FOXK1: variants seen among roughly 807,000 people sequenced by gnomAD.
FOXK1 encodes forkhead box K1, also known as forkhead box protein K1.
A neutral mutation model predicts 51.9 loss-of-function variants in FOXK1; 19 were observed. That is an observed-to-expected ratio of 0.37 (90% CI 0.26 to 0.54). FOXK1 has a LOEUF of 0.54. FOXK1 is among the 20% of genes least tolerant of loss of function. The pLI, the probability that FOXK1 is intolerant of heterozygous loss-of-function variation, is 0.87. For missense variants in FOXK1, 870 were observed against 1,032.7 expected (o/e 0.84, Z 2.16); for synonymous variants, 537 against 482.6 (o/e 1.11, Z -1.48).
chr7:4,682,584 C>T lies in FOXK1; in HGVS notation c.276C>T (p.Ala92=), dbSNP rs1248075586. Residue 92 remains alanine (A), a synonymous_variant, in exon 1 of 9, where the codon GCC becomes GCT. Coordinates refer to ENST00000328914, the MANE Select transcript of FOXK1 (RefSeq NM_001037165.2). This position sits in a 1 kb window ranked among gnomAD's most constrained non-coding sequence, Gnocchi z 7.6. The part of the protein sequence containing the change: ...AVAGAAPALV[A]AAAASVRQSP... ...CGGGCGCGGCGCCGGCCCTGGTGGCCGCGGCGGCCGCCTCGGTACGGCAGA... is the reference window on the plus strand; with the variant it reads ...CGGGCGCGGCGCCGGCCCTGGTGGCTGCGGCGGCCGCCTCGGTACGGCAGA... The T allele has an allele frequency of 5.6e-6, 7 of 1,249,586 alleles. No homozygotes were observed. The Admixed American group carries it at 3.0e-4, about 53-fold the overall frequency. The allele number at this position is 1,249,586 out of a possible 1,614,324, so 77.4% of individuals were successfully genotyped here. A position where few individuals can be genotyped will look rare whatever the true frequency, so the allele number is the denominator to read the frequency against.
chr7:4,741,869 C>A lies in FOXK1; in HGVS notation c.746+846C>A, dbSNP rs1482489272. On this transcript the variant is annotated intron_variant, in intron 2 of 8. Transcript: ENST00000328914. ...CCGGTGAGCCCTAGACTGAGTCACA[C>A]ACGAACCTCAGGCGACAGCCTGGAT... 5.3e-5 allele frequency among the ~76,000 whole-genome samples: 8 copies of A among 152,320 alleles called. 1 individual carries two copies. The highest frequency in any genetic ancestry group is 1.0e-4 in the Non-Finnish European group (7 of 68,020).
intron 1 of FOXK1, among the ~76,000 whole-genome samples, chr7:4,685,440 T>C (rs1361002642): frequency 6.6e-6 from 1 of 151,754 alleles, no homozygotes; most frequent in East Asian, 1.9e-4. Flanking sequence ...GGTCTCGATC[T>C]CCTGACCTCG....
At chr7:4,759,768 T>C in intron 7 of FOXK1, 173 bp downstream of exon 7, 2 of 829,536 alleles carry the variant, frequency 2.4e-6, no homozygotes, top group Admixed American at 3.0e-5. Context: ...AGGTGGCTCA[T>C]GCTTATAATC....
intron 1 of FOXK1, among the ~76,000 whole-genome samples, chr7:4,732,888 T>C (rs1780499897): frequency 6.6e-6 from 1 of 152,152 alleles, no homozygotes. Context: ...GTTTATCTTC[T>C]TACTCGTCCA....
Position 4,766,824 on chromosome 7 carries a change from C to T in FOXK1, c.*4360C>T, listed in dbSNP as rs943179121. ...AAGAGGGCCCTCCCTGGAGCACCCC[C>T]GGGGAGCTGGGACTCTCCAGAAAGC... is the stretch of plus-strand genomic sequence containing the variant. On this transcript the variant is annotated 3_prime_UTR_variant, in exon 9 of 9. Coordinates refer to ENST00000328914, the MANE Select transcript of FOXK1 (RefSeq NM_001037165.2). This position sits in a 1 kb window ranked among gnomAD's most constrained non-coding sequence, Gnocchi z 5.5. The T allele has an allele frequency of 2.0e-5, 3 of 152,228 alleles. No homozygotes were observed. The highest frequency in any genetic ancestry group is 1.9e-4 in the East Asian group (1 of 5,196). 9.4% of individuals were successfully genotyped at this position (152,228 alleles called of 1,614,324 possible).
intron 1 of FOXK1, among the ~76,000 whole-genome samples, chr7:4,716,802 A>C (rs1562376888): frequency 6.6e-6 from 1 of 152,238 alleles, no homozygotes; most frequent in Non-Finnish European, 1.5e-5. Context: ...GTCACAAAAC[A>C]GATGTCTACA....
chr7:4,717,586 G>A (rs940128439), intron 1 of FOXK1, among the ~76,000 whole-genome samples: 5 of 152,090 alleles, frequency 3.3e-5, no homozygotes, highest in African/African-American at 7.2e-5. Flanking sequence ...TCTGGGCTGC[G>A]TAGCTGTAAG....
In FOXK1 at chr7:4,762,456, G is replaced by C. The variant is rs765393957; in HGVS notation, c.2194G>C (p.Gly732Arg). The C allele has an allele frequency of 3.8e-5, 58 of 1,541,494 alleles. 1 individual carries two copies. In the South Asian group the frequency reaches 4.8e-4, roughly 13 times the overall value. The change falls in exon 9 of 9, where the codon GGG (glycine) becomes CGG (arginine). Residue 732 changes from glycine to arginine, a missense_variant. Physicochemically the swap from Gly to Arg is moderately radical, Grantham distance 125. This residue lies in a region of FOXK1 where 457 missense variants were observed against 510.8 expected (regional missense o/e 0.89). Coordinates refer to ENST00000328914, the MANE Select transcript of FOXK1 (RefSeq NM_001037165.2). This position sits in a 1 kb window ranked among gnomAD's most constrained non-coding sequence, Gnocchi z 5.7. Reference protein sequence around the residue: ...AAAGPQGPGTGE With the variant: ...AAAGPQGPGTRE ...TGCCGGCCCCCAGGGGCCAGGCACC[G>C]GGGAGTGAGGTCACCTGCAACGCGG...
rs550608330 is a variant in FOXK1, at chr7:4,762,567, C to T, written c.*103C>T. ...CCCACAGACGGAGGAGAACAGCCCGCGGCGGCCTGTGGGCATCGGCGGCAC... is the reference window on the plus strand; with the variant it reads ...CCCACAGACGGAGGAGAACAGCCCGTGGCGGCCTGTGGGCATCGGCGGCAC... On this transcript the variant is annotated 3_prime_UTR_variant, in exon 9 of 9. Transcript: ENST00000328914. The surrounding 1 kb of genome is among the most constrained non-coding windows in gnomAD (Gnocchi z 5.7). 26 of 1,244,900 alleles carry T rather than the reference C, an allele frequency of 2.1e-5. No individual in the cohort carries two copies. The highest frequency in any genetic ancestry group is 3.1e-5 in the South Asian group (2 of 65,116). The allele number at this position is 1,244,900 out of a possible 1,614,324, so 77.1% of individuals were successfully genotyped here.
In FOXK1 at chr7:4,729,963, C is replaced by G. The variant is rs1166453372; in HGVS notation, c.561-10875C>G. On this transcript the variant is annotated intron_variant, in intron 1 of 8. Transcript: ENST00000328914. This position sits in a 1 kb window ranked among gnomAD's most constrained non-coding sequence, Gnocchi z 6.2. ...TGAGATCCAGCCACTGCCCTCCAGC[C>G]TGGGCGACAGAGCGAGACTCTGTCG... 6.6e-6 allele frequency among the ~76,000 whole-genome samples: 1 copy of G among 152,076 alleles called. No individual in the cohort carries two copies. Among genetic ancestry groups the G allele is most frequent in the African/African-American group, 2.4e-5 (1 of 41,384 alleles).
intron 1 of FOXK1, among the ~76,000 whole-genome samples, chr7:4,725,744 G>A (rs1033967241): frequency 6.6e-6 from 1 of 152,240 alleles, no homozygotes; most frequent in Non-Finnish European, 1.5e-5. Context: ...CAACTGCCGT[G>A]GCTGCCCGGG....
intron 1 of FOXK1, among the ~76,000 whole-genome samples, chr7:4,713,202 A>C (rs56025211): frequency 0.028 from 4,310 of 152,316 alleles, 199 homozygotes; most frequent in African/African-American, 0.099. Flanking sequence ...CTGTGGTCAC[A>C]GCCCATTGTG....
intron 1 of FOXK1, among the ~76,000 whole-genome samples, chr7:4,704,470 A>G (rs1780057633): frequency 6.7e-6 from 1 of 150,050 alleles, no homozygotes; most frequent in African/African-American, 2.4e-5. Flanking sequence ...AAAAAAAAAG[A>G]AAAGAAAAGG....
At chr7:4,718,845 T>A (rs776509154) in intron 1 of FOXK1, among the ~76,000 whole-genome samples, 2 of 152,214 alleles carry the variant, frequency 1.3e-5, no homozygotes, top group Non-Finnish European at 2.9e-5. Flanking sequence ...GTTTCACTCT[T>A]GTCACCCAGG....
chr7:4,711,434 G>A lies in FOXK1; in HGVS notation c.560+28566G>A. On this transcript the variant is annotated intron_variant, in intron 1 of 8. Coordinates refer to ENST00000328914, the MANE Select transcript of FOXK1 (RefSeq NM_001037165.2). The surrounding 1 kb of genome is among the most constrained non-coding windows in gnomAD (Gnocchi z 6.3). ...CCCTGGAGTGATTCCTGGATGTTGAGGAGGGAGAGATCTGGAGTTAAGGAA... is the reference window on the plus strand; with the variant it reads ...CCCTGGAGTGATTCCTGGATGTTGAAGAGGGAGAGATCTGGAGTTAAGGAA... Among the ~76,000 whole-genome samples the A allele has an allele frequency of 6.6e-6, 1 of 152,148 alleles. No homozygotes were observed. Among genetic ancestry groups the A allele is most frequent in the South Asian group, 2.1e-4 (1 of 4,834 alleles).
rs375352278 is a variant in FOXK1, at chr7:4,757,219, G to A, written c.1244+32G>A. 5.1e-6 allele frequency: 8 copies of A among 1,553,558 alleles called. No homozygotes were observed. In the East Asian group the frequency reaches 6.8e-5, roughly 13 times the overall value. ...TTCTCTGAGCGCCCGTCCTCCAGCT[G>A]TTAGGAAAGCTGAGCTGCCCTGGAG... On this transcript the variant is annotated intron_variant, in intron 5 of 8. Transcript: ENST00000328914.
rs914351015 is a variant in FOXK1 at position 4,707,147 on chromosome 7, C to A, written c.560+24279C>A. 4.6e-5 allele frequency among the ~76,000 whole-genome samples: 7 copies of A among 152,192 alleles called. No homozygotes were observed. The highest frequency in any genetic ancestry group is 1.7e-4 in the African/African-American group (7 of 41,454). On this transcript the variant is annotated intron_variant, in intron 1 of 8. Transcript: ENST00000328914. The surrounding 1 kb of genome is among the most constrained non-coding windows in gnomAD (Gnocchi z 4.1). ...CCCCTCCGGGTTTCCCATGATGTTA[C>A]GTTGCCCTCTTTGTTACCACCCCTG... is the stretch of plus-strand genomic sequence containing the variant.
In FOXK1 at chr7:4,758,962, T is replaced by C; in HGVS notation, c.1245-89T>C. On this transcript the variant is annotated intron_variant, in intron 5 of 8. Transcript: ENST00000328914. This position sits in a 1 kb window ranked among gnomAD's most constrained non-coding sequence, Gnocchi z 4.4. ...ACGAGCTCCAGGGAGCGTGGGCGGG[T>C]GACGGCGCTGAGATGCGTGATGTCT... The C allele has an allele frequency of 7.1e-7, 1 of 1,401,504 alleles. No homozygotes were observed. Among genetic ancestry groups the C allele is most frequent in the Non-Finnish European group, 9.6e-7 (1 of 1,044,452 alleles). 86.8% of individuals were successfully genotyped at this position (1,401,504 alleles called of 1,614,324 possible). A position where few individuals can be genotyped will look rare whatever the true frequency, so the allele number is the denominator to read the frequency against.
Position 4,756,861 on chromosome 7 carries a change from G to A in FOXK1, c.1051-133G>A. The stretch of plus-strand genomic sequence containing the variant: ...GTGCTGCTCCCGTGAGGCCCAGCCA[G>A]CACAGCACCAAGGGCTCTGCACAGA... On this transcript the variant is annotated intron_variant, in intron 4 of 8. Transcript: ENST00000328914. The surrounding 1 kb of genome is among the most constrained non-coding windows in gnomAD (Gnocchi z 4.1). 1.1e-6 allele frequency: 1 copy of A among 938,082 alleles called. No homozygotes were observed. Among genetic ancestry groups the A allele is most frequent in the Non-Finnish European group, 1.6e-6 (1 of 631,688 alleles). The allele number at this position is 938,082 out of a possible 1,614,324, so 58.1% of individuals were successfully genotyped here.
Sources: allele counts gnomAD v4.1 joint callset (sites outside exome capture counted in the v4.1 genomes callset), GRCh38; gene constraint gnomAD v4.1.1; regional missense constraint gnomAD v4.1.1; non-coding constraint Gnocchi (gnomAD v3.1); transcripts MANE v1.5; gene names NCBI Gene and HGNC (gene_info 2026-07-23, HGNC 2026-07-21).